Variants in ENTREP2 observed in about 807,000 individuals in gnomAD.
The protein encoded by ENTREP2 is protein ENTREP2.
the ENTREP2 span, among the ~76,000 whole-genome samples, chr15:29,600,145 G>A: frequency 6.6e-6 from 1 of 152,212 alleles, no homozygotes; most frequent in African/African-American, 2.4e-5. Flanking sequence ...AATTTTCTGT[G>A]CTTCATTCCA....
the ENTREP2 span, among the ~76,000 whole-genome samples, chr15:29,213,857 A>G: frequency 1.3e-5 from 2 of 152,298 alleles, no homozygotes; most frequent in African/African-American, 4.8e-5. Context: ...GAAAAAAACA[A>G]CCCTATCTAA....
chr15:29,316,282 G>A, the ENTREP2 span, among the ~76,000 whole-genome samples: 1 of 152,074 alleles, frequency 6.6e-6, no homozygotes, highest in East Asian at 1.9e-4. Context: ...ATTTCCTGAA[G>A]GATAATCAAG....
chr15:29,669,141 G>C, the ENTREP2 span, among the ~76,000 whole-genome samples: 8 of 152,356 alleles, frequency 5.3e-5, no homozygotes, highest in African/African-American at 1.9e-4. Context: ...GTGAGATGGA[G>C]AGGTTGCAGT....
chr15:29,190,820 C>T, the ENTREP2 span, among the ~76,000 whole-genome samples: 1 of 152,064 alleles, frequency 6.6e-6, no homozygotes, highest in Non-Finnish European at 1.5e-5. Context: ...TAAACAGAGC[C>T]TCAAATTAGA....
the ENTREP2 span, among the ~76,000 whole-genome samples, chr15:29,309,375 C>T: frequency 6.6e-6 from 1 of 152,158 alleles, no homozygotes; most frequent in Non-Finnish European, 1.5e-5. Context: ...ACTTGCTTTC[C>T]CACAGAGGCA....
chr15:29,553,880 G>A, the ENTREP2 span, among the ~76,000 whole-genome samples: 1 of 152,152 alleles, frequency 6.6e-6, no homozygotes, highest in Non-Finnish European at 1.5e-5. Flanking sequence ...AATCACATGA[G>A]ACCTCAAGCA....
chr15:29,137,664 G>A, the ENTREP2 span, among the ~76,000 whole-genome samples: 618 of 152,148 alleles, frequency 4.1e-3, 12 homozygotes, highest in Admixed American at 0.037. Flanking sequence ...GCGAAACCCC[G>A]TCTCTACTAA....
the ENTREP2 span, among the ~76,000 whole-genome samples, chr15:29,277,237 G>A: frequency 0.032 from 4,853 of 152,004 alleles, 254 homozygotes; most frequent in African/African-American, 0.11. Context: ...CCAGCTACTC[G>A]GGAGGCTGAG....
chr15:29,124,713 C>T, the ENTREP2 span: 100 of 1,550,590 alleles, frequency 6.4e-5, no homozygotes, highest in Non-Finnish European at 8.5e-5. Context: ...CTCAGACAGT[C>T]CCGCTTCCAG....
the ENTREP2 span, among the ~76,000 whole-genome samples, chr15:29,138,702 CGT>C: frequency 0.37 from 55,652 of 149,046 alleles, 14,575 homozygotes; most frequent in African/African-American, 0.75. Context: ...TGTGTGTATG[CGT>C]GTGTGTGTGT....
At chr15:29,392,064 G>A in the ENTREP2 span, among the ~76,000 whole-genome samples, 63 of 152,004 alleles carry the variant, frequency 4.1e-4, no homozygotes, top group Non-Finnish European at 7.8e-4. Context: ...TCCTGACCTC[G>A]TGATCTGCCC....
the ENTREP2 span, among the ~76,000 whole-genome samples, chr15:29,641,094 C>CA: frequency 1.3e-5 from 2 of 151,950 alleles, no homozygotes; most frequent in Non-Finnish European, 2.9e-5. Flanking sequence ...TTAATAGATG[C>CA]AAAAAAGCAC....
chr15:29,128,985 A>T, the ENTREP2 span: 19 of 633,256 alleles, frequency 3.0e-5, no homozygotes, highest in Admixed American at 5.8e-5. Flanking sequence ...ACGTTCATCC[A>T]CACCTCCACT....
the ENTREP2 span, among the ~76,000 whole-genome samples, chr15:29,389,333 G>A: frequency 1.3e-5 from 2 of 151,586 alleles, no homozygotes; most frequent in Non-Finnish European, 2.9e-5. Context: ...TACGACATCC[G>A]GAGTGGGACA....
chr15:29,571,394 G>A, the ENTREP2 span, among the ~76,000 whole-genome samples: 1 of 152,330 alleles, frequency 6.6e-6, no homozygotes. Flanking sequence ...CGGGGAGACG[G>A]GCTGGGAGCA....
the ENTREP2 span, among the ~76,000 whole-genome samples, chr15:29,591,888 GA>G: frequency 9.8e-6 from 1 of 102,040 alleles, no homozygotes; most frequent in African/African-American, 3.3e-5. Flanking sequence ...AGAAGAAGAA[GA>G]AGAAGAAGAG....
the ENTREP2 span, among the ~76,000 whole-genome samples, chr15:29,190,445 C>T: frequency 6.6e-6 from 1 of 151,958 alleles, no homozygotes; most frequent in Non-Finnish European, 1.5e-5. Flanking sequence ...TCCAAACCAA[C>T]AAAAGACAAT....
At chr15:29,587,173 G>A in the ENTREP2 span, among the ~76,000 whole-genome samples, 150 of 110,314 alleles carry the variant, frequency 1.4e-3, no homozygotes, top group Non-Finnish European at 1.8e-3. Flanking sequence ...GTGTGTGTGT[G>A]TGTGTGTGTG....
chr15:29,627,919 C>A, the ENTREP2 span, among the ~76,000 whole-genome samples: 2 of 152,150 alleles, frequency 1.3e-5, no homozygotes, highest in Non-Finnish European at 2.9e-5. Context: ...GTTCTTTTCA[C>A]CTATTGTGAA....
Sources: allele counts gnomAD v4.1 joint callset (sites outside exome capture counted in the v4.1 genomes callset), GRCh38; gene constraint gnomAD v4.1.1; transcripts MANE v1.5; gene names NCBI Gene and HGNC (gene_info 2026-07-23, HGNC 2026-07-21).